Variants in DGKE observed in about 807,000 individuals in gnomAD.
DGKE encodes diacylglycerol kinase epsilon, also known as DAG kinase epsilon.
A neutral mutation model predicts 70.0 loss-of-function variants in DGKE; 53 were observed. That is an observed-to-expected ratio of 0.76 (90% CI 0.61 to 0.95). DGKE has a LOEUF of 0.95. Ranked by LOEUF, DGKE falls within the 40% of genes least tolerant of loss-of-function variation. DGKE has a pLI of 0.00. For missense variants in DGKE, 655 were observed against 706.9 expected (o/e 0.93, Z 0.83); for synonymous variants, 291 against 257.0 (o/e 1.13, Z -1.27).
At chr17:56,843,325 A>G (rs1365000494) in intron 2 of DGKE, among the ~76,000 whole-genome samples, 2 of 152,144 alleles carry the variant, frequency 1.3e-5, no homozygotes, top group African/African-American at 4.8e-5. Flanking sequence ...CATTTCTTTC[A>G]CTTATTATTC....
At chr17:56,859,302 G>A (rs570184018) in intron 9 of DGKE, among the ~76,000 whole-genome samples, 10 of 151,382 alleles carry the variant, frequency 6.6e-5, no homozygotes, top group Non-Finnish European at 1.0e-4. Context: ...TCCAGCCTGG[G>A]GGACAGAGCA....
intron 7 of DGKE, among the ~76,000 whole-genome samples, chr17:56,855,327 G>A (rs1845100435): frequency 1.3e-5 from 2 of 152,268 alleles, no homozygotes; most frequent in South Asian, 4.2e-4. Flanking sequence ...CCATCAAAAG[G>A]AGGAAGAGCG....
intron 7 of DGKE, among the ~76,000 whole-genome samples, chr17:56,851,893 A>C (rs1907671728): frequency 6.6e-6 from 1 of 152,158 alleles, no homozygotes; most frequent in South Asian, 2.1e-4. Context: ...TGAAGACACC[A>C]CTCAGAAAAT....
At chr17:56,851,490 A>C (rs373261779) in intron 7 of DGKE, among the ~76,000 whole-genome samples, 1 of 152,218 alleles carries the variant, frequency 6.6e-6, no homozygotes, top group Non-Finnish European at 1.5e-5. Context: ...ACGTACCAAT[A>C]TTTGAGTGTC....
chr17:56,845,480 G>A (rs1268747112), intron 3 of DGKE, among the ~76,000 whole-genome samples: 2 of 152,292 alleles, frequency 1.3e-5, no homozygotes, highest in East Asian at 3.9e-4. Flanking sequence ...GAATAATGTA[G>A]AAGAGAATTA....
At chr17:56,839,432 A>G (rs184312013) in intron 2 of DGKE, among the ~76,000 whole-genome samples, 2 of 152,364 alleles carry the variant, frequency 1.3e-5, no homozygotes, top group Admixed American at 1.3e-4. Flanking sequence ...AATACCAATT[A>G]CAACATAGGT....
Position 56,834,753 on chromosome 17 carries a change from C to T in DGKE, c.-18-25C>T, listed in dbSNP as rs77999700. On this transcript the variant is annotated intron_variant, in intron 1 of 11. Coordinates refer to ENST00000284061, the MANE Select transcript of DGKE (RefSeq NM_003647.3). ...GGGAAGGGATGGCGAGCTCGGGGTG[C>T]ACCGCCTGTTTCTTTTCTGGTTAGG... 6.5e-6 allele frequency: 10 copies of T among 1,536,722 alleles called. No homozygotes were observed. In the East Asian group the frequency reaches 2.0e-4, roughly 31 times the overall value.
chr17:56,841,199 C>T (rs949723435), intron 2 of DGKE, among the ~76,000 whole-genome samples: 5 of 147,302 alleles, frequency 3.4e-5, no homozygotes, highest in Non-Finnish European at 5.9e-5. Context: ...TGCAGTGAGC[C>T]GAGATTGCAC....
chr17:56,848,703 A>G lies in DGKE; in HGVS notation c.896A>G (p.Glu299Gly). Residue 299 changes from glutamate to glycine, a missense_variant, in exon 6 of 12, where the codon GAA becomes GGA. Glu to Gly is a moderately conservative substitution (Grantham distance 98). Transcript: ENST00000284061. ...AVDDMKIKGQ[E>G]KYIPQVAVLP... ...ATATCTTCCATATTCTAGGGACAAG[A>G]AAAGTACATTCCACAAGTTGCAGTT... is the stretch of plus-strand genomic sequence containing the variant. 6.2e-7 allele frequency: 1 copy of G among 1,614,076 alleles called. No homozygotes were observed. The highest frequency in any genetic ancestry group is 1.1e-5 in the South Asian group (1 of 91,070).
In DGKE at chr17:56,867,585, A is replaced by G; in HGVS notation, c.*4794A>G. 6.6e-6 allele frequency: 1 copy of G among 152,312 alleles called. No individual in the cohort carries two copies. Among genetic ancestry groups the G allele is most frequent in the Non-Finnish European group, 1.5e-5 (1 of 68,282 alleles). 9.4% of individuals were successfully genotyped at this position (152,312 alleles called of 1,614,324 possible). On this transcript the variant is annotated 3_prime_UTR_variant, in exon 12 of 12. Transcript: ENST00000284061. ...ATGACTGCACTCCAGCCTGGGCAAC[A>G]GAGCAAGACTCCATCTCAAAAAAAA... is the stretch of plus-strand genomic sequence containing the variant.
At position 56,863,496 on chromosome 17, in the gene DGKE, T is replaced by G. The variant is rs948651686; in HGVS notation, c.*705T>G. The G allele has an allele frequency of 1.3e-5, 2 of 152,230 alleles. No homozygotes were observed. The highest frequency in any genetic ancestry group is 2.4e-5 in the African/African-American group (1 of 41,460). The allele number at this position is 152,230 out of a possible 1,614,324, so 9.4% of individuals were successfully genotyped here. On this transcript the variant is annotated 3_prime_UTR_variant, in exon 12 of 12. Coordinates refer to ENST00000284061, the MANE Select transcript of DGKE (RefSeq NM_003647.3). ...GCCAAAAGAGAAACAGATAAGTGAA[T>G]TGGTAAGAAATAAGATTCAGAGCAC...
intron 7 of DGKE, 89 bp from the exon 8 acceptor site, chr17:56,856,423 A>C: frequency 7.2e-7 from 1 of 1,397,904 alleles, no homozygotes; most frequent in Non-Finnish European, 9.6e-7. Flanking sequence ...CCATTGTCAA[A>C]AGAACACAAA....
At chr17:56,847,687 C>T (rs1907377369) in intron 4 of DGKE, 2 of 218,346 alleles carry the variant, frequency 9.2e-6, no homozygotes, top group Non-Finnish European at 1.8e-5. Flanking sequence ...ATTTAACCTT[C>T]CTGCACCTCA....
At chr17:56,847,338 C>CT (rs10641776) in intron 4 of DGKE, 44 of 142,794 alleles carry the variant, frequency 3.1e-4, no homozygotes, top group South Asian at 4.4e-4. Flanking sequence ...TAAACTATAA[C>CT]TTTTTTTTTT....
intron 5 of DGKE, 54 bp downstream of exon 5, chr17:56,848,119 C>CATATAT (rs56356802): frequency 0.023 from 16,103 of 697,674 alleles, 20 homozygotes; most frequent in East Asian, 0.061. Flanking sequence ...ATATACTATA[C>CATATAT]ATATATATAT....
intron 2 of DGKE, among the ~76,000 whole-genome samples, chr17:56,843,583 A>T (rs7225346): frequency 6.6e-6 from 1 of 151,812 alleles, no homozygotes; most frequent in African/African-American, 2.4e-5. Flanking sequence ...GGATCATTTG[A>T]GGTCTGGAGG....
intron 4 of DGKE, chr17:56,846,016 T>C: frequency 5.3e-6 from 2 of 377,488 alleles, no homozygotes; most frequent in East Asian, 8.9e-5. Flanking sequence ...GGCAGTTTCT[T>C]AAAAAGATAA....
chr17:56,842,934 A>T (rs918786851), intron 2 of DGKE, among the ~76,000 whole-genome samples: 1 of 152,216 alleles, frequency 6.6e-6, no homozygotes, highest in Non-Finnish European at 1.5e-5. Flanking sequence ...ATCTGAATGC[A>T]CATGTTCTTA....
intron 7 of DGKE, among the ~76,000 whole-genome samples, chr17:56,855,142 G>C (rs1196256569): frequency 6.6e-6 from 1 of 151,092 alleles, no homozygotes; most frequent in Non-Finnish European, 1.5e-5. Flanking sequence ...AAAAAATAAA[G>C]GCAAATTAAT....
Sources: allele counts gnomAD v4.1 joint callset (sites outside exome capture counted in the v4.1 genomes callset), GRCh38; gene constraint gnomAD v4.1.1; transcripts MANE v1.5; gene names NCBI Gene and HGNC (gene_info 2026-07-23, HGNC 2026-07-21).